The following SCAPER variants were observed in gnomAD, a reference collection of about 807,000 sequenced individuals.
SCAPER encodes the protein S-phase cyclin A associated protein in the ER.
In SCAPER, 98 loss-of-function variants were observed where a neutral mutation model predicts 182.2. The observed-to-expected ratio is 0.54, with a 90% CI of 0.46 to 0.64. The LOEUF (loss-of-function observed/expected upper bound fraction) is 0.64. Among genes scored for constraint, SCAPER ranks in the 30% least tolerant of loss-of-function variants. The pLI, the probability that SCAPER is intolerant of heterozygous loss-of-function variation, is 0.00. For synonymous variants in SCAPER, 605 were observed against 564.6 expected, an observed-to-expected ratio of 1.07 and a Z score of -1.01; for missense variants, 1,432 against 1,690.0, an observed-to-expected ratio of 0.85 and a Z score of 2.68.
At chr15:76,554,120 C>A (rs1264162564) in intron 23 of SCAPER, among the ~76,000 whole-genome samples, 15 of 152,174 alleles carry the variant, frequency 9.9e-5, no homozygotes, top group African/African-American at 3.4e-4. Flanking sequence ...ATGAAATGGT[C>A]ATTTTAAGAA....
intron 21 of SCAPER, among the ~76,000 whole-genome samples, chr15:76,641,565 G>A (rs888997172): frequency 1.3e-5 from 2 of 152,008 alleles, no homozygotes; most frequent in African/African-American, 4.8e-5. Flanking sequence ...GATGCATTGC[G>A]GGCTGCTGGC....
intron 24 of SCAPER, among the ~76,000 whole-genome samples, chr15:76,493,513 A>T (rs976847446): frequency 3.3e-5 from 5 of 152,210 alleles, no homozygotes; most frequent in Admixed American, 1.3e-4. Context: ...TGACTGAGAA[A>T]GTGTTATGTT....
intron 21 of SCAPER, among the ~76,000 whole-genome samples, chr15:76,659,903 T>C (rs532270699): frequency 1.3e-5 from 2 of 152,236 alleles, no homozygotes; most frequent in South Asian, 2.1e-4. Flanking sequence ...TATATACCCA[T>C]AGGAATATAA....
In SCAPER at chr15:76,449,366, T is replaced by C. The variant is rs142522650; in HGVS notation, c.3079-15056A>G. 1.4e-3 allele frequency among the ~76,000 whole-genome samples: 220 copies of C among 152,322 alleles called. 2 individuals are homozygous for C. The highest frequency in any genetic ancestry group is 4.8e-3 in the African/African-American group (199 of 41,592). On this transcript the variant is annotated intron_variant, in intron 25 of 31. Transcript: ENST00000563290. Reference sequence around the variant, plus strand: ...TCTACAGATTTTGATCTGTATTCTATACCTTAGATGAAAGTCTTTGCCCTA... The same window carrying C: ...TCTACAGATTTTGATCTGTATTCTACACCTTAGATGAAAGTCTTTGCCCTA...
intron 21 of SCAPER, among the ~76,000 whole-genome samples, chr15:76,652,369 C>CATAT (rs1431041058): frequency 0.013 from 174 of 13,624 alleles, 4 homozygotes; most frequent in Non-Finnish European, 0.017. Context: ...CACACACACA[C>CATAT]ACATATATAT....
intron 5 of SCAPER, among the ~76,000 whole-genome samples, chr15:76,828,068 C>G (rs2068156059): frequency 6.6e-6 from 1 of 152,056 alleles, no homozygotes; most frequent in African/African-American, 2.4e-5. Context: ...GAGGCCTGAG[C>G]TAGTAGGCTC....
At chr15:76,484,530 C>T (rs1294027410) in intron 24 of SCAPER, among the ~76,000 whole-genome samples, 2 of 152,086 alleles carry the variant, frequency 1.3e-5, no homozygotes, top group African/African-American at 4.8e-5. Flanking sequence ...AGCCCAGGAC[C>T]AGATGGATGC....
intron 23 of SCAPER, among the ~76,000 whole-genome samples, chr15:76,564,750 T>C (rs1056290114): frequency 6.6e-6 from 1 of 152,114 alleles, no homozygotes; most frequent in East Asian, 1.9e-4. Context: ...GGAGGCATCA[T>C]GCTACCCAAC....
chr15:76,678,729 A>G (rs559731545), intron 20 of SCAPER, among the ~76,000 whole-genome samples: 12 of 152,228 alleles, frequency 7.9e-5, no homozygotes, highest in African/African-American at 2.9e-4. Flanking sequence ...GGGAAAAATA[A>G]AGGAACACTC....
chr15:76,399,165 T>TCTCA (rs1411779839), intron 27 of SCAPER, among the ~76,000 whole-genome samples: 1 of 151,790 alleles, frequency 6.6e-6, no homozygotes. Flanking sequence ...TGAGATGGAG[T>TCTCA]CTCACACTGT....
chr15:76,828,759 GA>G (rs2068215563), intron 5 of SCAPER, among the ~76,000 whole-genome samples: 1 of 152,294 alleles, frequency 6.6e-6, no homozygotes, highest in East Asian at 1.9e-4. Context: ...CATAAATGCA[GA>G]AGTGAACTCT....
chr15:76,734,370 A>C (rs2151065004), intron 15 of SCAPER, among the ~76,000 whole-genome samples: 1 of 152,348 alleles, frequency 6.6e-6, no homozygotes, highest in Non-Finnish European at 1.5e-5. Flanking sequence ...AGGGAAGTGA[A>C]CACTAGAGAC....
At chr15:76,431,704 A>AAAAAAAAAAAAAAAAAAAAATT (rs61401621) in intron 26 of SCAPER, among the ~76,000 whole-genome samples, 1 of 127,514 alleles carries the variant, frequency 7.8e-6, no homozygotes, top group African/African-American at 2.7e-5. Context: ...AAAAAAAAAA[A>AAAAAAAAAAAAAAAAAAAAATT]TGCTTTGTTT....
chr15:76,640,626 G>A (rs556808492), intron 21 of SCAPER, among the ~76,000 whole-genome samples: 1 of 152,260 alleles, frequency 6.6e-6, no homozygotes, highest in Non-Finnish European at 1.5e-5. Context: ...TTGTCCATAT[G>A]TAAAATTGGA....
chr15:76,392,242 CAT>C (rs570388156), intron 27 of SCAPER, among the ~76,000 whole-genome samples: 91 of 152,114 alleles, frequency 6.0e-4, no homozygotes, highest in Non-Finnish European at 1.1e-3. Flanking sequence ...AAAAAAATAA[CAT>C]ATATATACTT....
In SCAPER at chr15:76,583,148, T is replaced by C. The variant is rs373317002; in HGVS notation, c.2712-8864A>G. 1.2e-4 allele frequency among the ~76,000 whole-genome samples: 19 copies of C among 152,100 alleles called. 1 individual carries two copies. The highest frequency in any genetic ancestry group is 4.1e-4 in the African/African-American group (17 of 41,494). ...TGGGCGGATCACGAGGTCAGGAGTT[T>C]GAGACCAGCCTGGCCAACATAGTGA... On this transcript the variant is annotated intron_variant, in intron 22 of 31. Transcript: ENST00000563290.
chr15:76,596,884 C>T (rs1237367724), intron 22 of SCAPER, among the ~76,000 whole-genome samples: 1 of 121,446 alleles, frequency 8.2e-6, no homozygotes, highest in Non-Finnish European at 2.0e-5. Flanking sequence ...GAAGCATTCC[C>T]TCTGAAAACC....
intron 1 of SCAPER, chr15:76,904,910 A>C (rs2074978499): frequency 6.6e-6 from 1 of 152,380 alleles, no homozygotes; most frequent in African/African-American, 2.4e-5. Flanking sequence ...TAGACATTCC[A>C]GAAGCCTCGT....
At chr15:76,463,360 T>C (rs117224281) in intron 25 of SCAPER, among the ~76,000 whole-genome samples, 305 of 152,290 alleles carry the variant, frequency 2.0e-3, no homozygotes, top group Non-Finnish European at 4.0e-3. Context: ...GGCACCTGGA[T>C]GGCTCTGCAC....
Sources: allele counts gnomAD v4.1 joint callset (sites outside exome capture counted in the v4.1 genomes callset), GRCh38; gene constraint gnomAD v4.1.1; transcripts MANE v1.5; gene names NCBI Gene and HGNC (gene_info 2026-07-23, HGNC 2026-07-21).